Variants in BRAF observed in about 807,000 individuals in gnomAD.
BRAF encodes serine/threonine-protein kinase B-raf.
Under a neutral mutation model 104.6 loss-of-function variants are expected in BRAF, and 16 were observed. That is an observed-to-expected ratio of 0.15 (90% CI 0.10 to 0.23). BRAF has a LOEUF of 0.23. Ranked by LOEUF, BRAF falls within the 10% of genes least tolerant of loss-of-function variation. BRAF has a pLI of 1.00. For missense variants in BRAF, 541 were observed against 937.3 expected, an observed-to-expected ratio of 0.58 and a Z score of 5.52; for synonymous variants, 310 against 341.6, an observed-to-expected ratio of 0.91 and a Z score of 1.02.
intron 1 of BRAF, among the ~76,000 whole-genome samples, chr7:140,861,984 C>T (rs1170586175): frequency 6.6e-6 from 1 of 152,142 alleles, no homozygotes; most frequent in Non-Finnish European, 1.5e-5. Context: ...GGCCTTAAGC[C>T]TGCCTCTTAA....
chr7:140,849,829 TAAAATAAAAATA>T (rs1287992421), intron 2 of BRAF, among the ~76,000 whole-genome samples: 2 of 150,626 alleles, frequency 1.3e-5, no homozygotes, highest in East Asian at 1.9e-4. Context: ...AATAAATAAA[TAAAATAAAAATA>T]AAAATAAAAA....
At chr7:140,786,032 T>A (rs192671469) in intron 9 of BRAF, among the ~76,000 whole-genome samples, 1 of 152,358 alleles carries the variant, frequency 6.6e-6, no homozygotes, top group African/African-American at 2.4e-5. Flanking sequence ...GCAGGCTGTG[T>A]TTATGACTAA....
intron 7 of BRAF, among the ~76,000 whole-genome samples, chr7:140,798,363 C>G (rs1305285485): frequency 6.7e-6 from 1 of 149,342 alleles, no homozygotes; most frequent in Non-Finnish European, 1.5e-5. Flanking sequence ...CCTGGGTTCA[C>G]GCCATCCTCC....
intron 1 of BRAF, among the ~76,000 whole-genome samples, chr7:140,875,065 G>A (rs1812065738): frequency 6.6e-6 from 1 of 152,168 alleles, no homozygotes; most frequent in Non-Finnish European, 1.5e-5. Context: ...GCAGAACCAT[G>A]AGCCAACTGA....
chr7:140,877,114 T>C (rs1367882874), intron 1 of BRAF, among the ~76,000 whole-genome samples: 1 of 151,970 alleles, frequency 6.6e-6, no homozygotes. Flanking sequence ...AATCCAGCAA[T>C]TGTAAAAGGC....
chr7:140,848,197 G>A (rs1055381960), intron 2 of BRAF, among the ~76,000 whole-genome samples: 6 of 152,184 alleles, frequency 3.9e-5, no homozygotes, highest in Non-Finnish European at 5.9e-5. Context: ...TCTGGGGGGT[G>A]AGGGTGGGGA....
In BRAF at chr7:140,833,353, C is replaced by A. The variant is rs373669827; in HGVS notation, c.504+1256G>T. 1.6e-4 allele frequency among the ~76,000 whole-genome samples: 25 copies of A among 152,268 alleles called. 1 individual carries two copies. Among genetic ancestry groups the A allele is most frequent in the African/African-American group, 5.8e-4 (24 of 41,562 alleles). On this transcript the variant is annotated intron_variant, in intron 3 of 19. Transcript: ENST00000644969. ...CGCCTGGGACTGAAGAACACATTTC[C>A]TACTTTCTGCTCATGAATACAGACA...
At chr7:140,776,592 C>T (rs1287713269) in intron 14 of BRAF, among the ~76,000 whole-genome samples, 2 of 152,194 alleles carry the variant, frequency 1.3e-5, no homozygotes, top group Admixed American at 6.5e-5. Flanking sequence ...TGTTTACTTG[C>T]ACAACTGCTA....
intron 4 of BRAF, chr7:140,808,351 CAAAAAAAAAAAAA>C (rs35843886): frequency 1.3e-4 from 25 of 199,072 alleles, no homozygotes; most frequent in East Asian, 3.1e-4. Context: ...TCCTGGGGTC[CAAAAAAAAAAAAA>C]AAAAAAAAAA....
At chr7:140,770,082 C>A (rs1004534838) in intron 14 of BRAF, among the ~76,000 whole-genome samples, 2 of 152,214 alleles carry the variant, frequency 1.3e-5, no homozygotes, top group Admixed American at 1.3e-4. Context: ...TATCAGAACT[C>A]AGGCATTTTG....
At chr7:140,883,458 T>C (rs1813175514) in intron 1 of BRAF, among the ~76,000 whole-genome samples, 1 of 152,252 alleles carries the variant, frequency 6.6e-6, no homozygotes. Flanking sequence ...AGTTAATTAA[T>C]ATTATTCAAA....
intron 3 of BRAF, among the ~76,000 whole-genome samples, chr7:140,810,428 G>T (rs1804130696): frequency 6.6e-6 from 1 of 152,090 alleles, no homozygotes; most frequent in South Asian, 2.1e-4. Flanking sequence ...AAAGTAGCCG[G>T]GCAGAGCGGC....
intron 1 of BRAF, among the ~76,000 whole-genome samples, chr7:140,884,475 G>GTGTGTA (rs1813327286): frequency 8.2e-6 from 1 of 122,456 alleles, no homozygotes; most frequent in South Asian, 2.6e-4. Context: ...GTGTGTGTGT[G>GTGTGTA]TATAAAAATA....
Position 140,724,628 on chromosome 7 carries a change from T to C in BRAF, c.*1866A>G, listed in dbSNP as rs1795500988. 4.8e-6 allele frequency: 5 copies of C among 1,036,688 alleles called. No individual in the cohort carries two copies. In the African/African-American group the frequency reaches 6.7e-5, roughly 14 times the overall value. The allele number at this position is 1,036,688 out of a possible 1,614,324, so 64.2% of individuals were successfully genotyped here. A position where few individuals can be genotyped will look rare whatever the true frequency, so the allele number is the denominator to read the frequency against. On this transcript the variant is annotated 3_prime_UTR_variant, in exon 20 of 20. Transcript: ENST00000644969. ...ATAGGCTTTCTTCTGAATACATGTATGTTAGCAAAAATCTAATGGTAGTGA... is the reference window on the plus strand; with the variant it reads ...ATAGGCTTTCTTCTGAATACATGTACGTTAGCAAAAATCTAATGGTAGTGA...
intron 1 of BRAF, among the ~76,000 whole-genome samples, chr7:140,869,406 G>A (rs969115026): frequency 6.6e-6 from 1 of 152,128 alleles, no homozygotes; most frequent in Non-Finnish European, 1.5e-5. Flanking sequence ...GCCAAGGTAG[G>A]CAGATCACTT....
At chr7:140,778,142 G>T (rs1800512085) in intron 12 of BRAF, 67 bp from the exon 12 acceptor site, 2 of 1,461,318 alleles carry the variant, frequency 1.4e-6, no homozygotes, top group African/African-American at 1.4e-5. Flanking sequence ...AAACATTCTT[G>T]GGTGTTTTCA....
Position 140,808,298 on chromosome 7 carries a change from A to C in BRAF, c.609-236T>G, listed in dbSNP as rs1349106120. The C allele has an allele frequency of 1.3e-5, 7 of 559,828 alleles. No individual in the cohort carries two copies. In the Admixed American group the frequency reaches 1.5e-4, roughly 12 times the overall value. 34.7% of individuals were successfully genotyped at this position (559,828 alleles called of 1,614,324 possible). ...GTAAAGAGATGTACTCTTTTCTTCAAGTCAGCTCCAGAAAAGACCTACAAC... is the reference window on the plus strand; with the variant it reads ...GTAAAGAGATGTACTCTTTTCTTCACGTCAGCTCCAGAAAAGACCTACAAC... On this transcript the variant is annotated intron_variant, in intron 4 of 19. Coordinates refer to ENST00000644969, the MANE Select transcript of BRAF (RefSeq NM_001374258.1).
At chr7:140,754,044 C>T (rs559222978) in intron 15 of BRAF, 143 bp downstream of exon 14, 1 of 845,606 alleles carries the variant, frequency 1.2e-6, no homozygotes, top group East Asian at 2.6e-5. Flanking sequence ...CTCTCCTATA[C>T]ATGCATGCAC....
intron 1 of BRAF, among the ~76,000 whole-genome samples, chr7:140,884,807 C>T (rs899642102): frequency 2.6e-5 from 4 of 151,906 alleles, no homozygotes; most frequent in Middle Eastern, 3.4e-3. Context: ...TGTAGTTTAT[C>T]GCTATCAGTA....
Sources: allele counts gnomAD v4.1 joint callset (sites outside exome capture counted in the v4.1 genomes callset), GRCh38; gene constraint gnomAD v4.1.1; transcripts MANE v1.5; gene names NCBI Gene and HGNC (gene_info 2026-07-23, HGNC 2026-07-21).